Variants in WNT16 observed in about 807,000 individuals in gnomAD.
The protein encoded by WNT16 is protein Wnt-16.
Under a neutral mutation model 35.4 loss-of-function variants are expected in WNT16, and 20 were observed. That is an observed-to-expected ratio of 0.56 (90% CI 0.40 to 0.82). The LOEUF is 0.82. Ranked by LOEUF, WNT16 falls within the 40% of genes least tolerant of loss-of-function variation. WNT16 has a pLI of 0.00. For missense variants in WNT16, 461 were observed against 466.0 expected (o/e 0.99, Z 0.10); for synonymous variants, 180 against 179.2 (o/e 1.00, Z -0.03).
chr7:121,338,784 TA>T, intron 3 of WNT16, 96 bp from the exon 4 acceptor site: 1 of 1,023,806 alleles, frequency 9.8e-7, no homozygotes, highest in Non-Finnish European at 1.4e-6. Context: ...CAAGAGGAAA[TA>T]GACCCAGAAA....
At chr7:121,334,310 G>C (rs1023456987) in intron 3 of WNT16, among the ~76,000 whole-genome samples, 1 of 151,888 alleles carries the variant, frequency 6.6e-6, no homozygotes, top group African/African-American at 2.4e-5. Context: ...TAGGTACTAT[G>C]CTGGTGTTTT....
intron 3 of WNT16, among the ~76,000 whole-genome samples, chr7:121,338,140 A>G (rs921465277): frequency 1.4e-4 from 22 of 152,198 alleles, no homozygotes; most frequent in Non-Finnish European, 2.6e-4. Flanking sequence ...ACTGACTTTT[A>G]TAGTGATCAA....
intron 3 of WNT16, among the ~76,000 whole-genome samples, chr7:121,337,518 A>G (rs1793462990): frequency 6.6e-6 from 1 of 152,230 alleles, no homozygotes; most frequent in Non-Finnish European, 1.5e-5. Context: ...GATTACACAC[A>G]TAATTTCCAA....
Position 121,339,581 on chromosome 7 carries a change from A to T in WNT16, c.*236A>T. 3.9e-6 allele frequency: 2 copies of T among 510,360 alleles called. No homozygotes were observed. Among genetic ancestry groups the T allele is most frequent in the Non-Finnish European group, 6.9e-6 (2 of 289,210 alleles). The allele number at this position is 510,360 out of a possible 1,614,324, so 31.6% of individuals were successfully genotyped here. A position where few individuals can be genotyped will look rare whatever the true frequency, so the allele number is the denominator to read the frequency against. ...TGAAAAGGTTTATATTCACCTTTTG[A>T]TGATTTGGGGAATATATATTGACAT... is the stretch of plus-strand genomic sequence containing the variant. On this transcript the variant is annotated 3_prime_UTR_variant, in exon 4 of 4. Coordinates refer to ENST00000222462, the MANE Select transcript of WNT16 (RefSeq NM_057168.2).
chr7:121,329,258 G>A lies in WNT16; in HGVS notation c.-35G>A, dbSNP rs762582792. On this transcript the variant is annotated 5_prime_UTR_variant, in exon 1 of 4. Transcript: ENST00000222462. ...GCCTCTGGGGAGGGGGTGCAAAAGA[G>A]GAGCGGCTGGGCTGGGGGACTCCAT... 6.6e-7 allele frequency: 1 copy of A among 1,511,486 alleles called. No individual in the cohort carries two copies. Among genetic ancestry groups the A allele is most frequent in the Non-Finnish European group, 8.9e-7 (1 of 1,129,332 alleles). 93.6% of individuals were successfully genotyped at this position (1,511,486 alleles called of 1,614,324 possible).
chr7:121,328,999 C>A (rs1793289467), upstream of WNT16: 7 of 1,182,748 alleles, frequency 5.9e-6, no homozygotes, highest in African/African-American at 1.6e-5. Context: ...GCGGATACAT[C>A]AACAGAAGTT....
Position 121,329,661 on chromosome 7 carries a change from C to T in WNT16, c.190C>T (p.Pro64Ser), listed in dbSNP as rs1191111101. ...CCAGAAGGAGCTGTGCAAGAGGAAA[C>T]CGTACCTGCTGCCGAGCATCCGAGA... ...SRQKELCKRK[P>S]YLLPSIREGA... is the part of the protein sequence containing the mutation. Residue 64 changes from proline to serine, a missense_variant, in exon 2 of 4, where the codon CCG (proline) becomes TCG (serine). Pro to Ser is a moderately conservative substitution (Grantham distance 74). Coordinates refer to ENST00000222462, the MANE Select transcript of WNT16 (RefSeq NM_057168.2). 7 of 1,614,204 alleles carry T rather than the reference C, an allele frequency of 4.3e-6. No individual in the cohort carries two copies. The East Asian group carries it at 6.7e-5, about 15-fold the overall frequency.
chr7:121,331,758 A>C lies in WNT16; in HGVS notation c.427A>C (p.Asn143His). Residue 143 changes from asparagine to histidine, a missense_variant, in exon 3 of 4, where the codon AAC becomes CAC. Asn to His is a moderately conservative substitution (Grantham distance 68). Transcript: ENST00000222462. ...HSVTRSCSAG[N>H]MTECSCDTTL... Reference sequence around the variant, plus strand: ...TGTGACCAGGTCATGCAGTGCAGGCAACATGACAGAGTGTTCCTGTGACAC... The same window carrying C: ...TGTGACCAGGTCATGCAGTGCAGGCCACATGACAGAGTGTTCCTGTGACAC... 2 of 1,614,250 alleles carry C rather than the reference A, an allele frequency of 1.2e-6. No homozygotes were observed. The highest frequency in any genetic ancestry group is 1.7e-6 in the Non-Finnish European group (2 of 1,180,050).
At chr7:121,327,082 C>T (rs180678293), upstream of WNT16, among the ~76,000 whole-genome samples, 20 of 152,348 alleles carry the variant, frequency 1.3e-4, no homozygotes, top group East Asian at 3.5e-3. Flanking sequence ...CTTGGAGAAG[C>T]TCACAGAATA....
upstream of WNT16, among the ~76,000 whole-genome samples, chr7:121,327,016 A>T (rs1489663067): frequency 6.6e-6 from 1 of 152,140 alleles, no homozygotes; most frequent in African/African-American, 2.4e-5. Flanking sequence ...CAAAAACAGG[A>T]TCTTATGTAC....
intron 3 of WNT16, among the ~76,000 whole-genome samples, chr7:121,336,614 A>G (rs1439589448): frequency 6.6e-6 from 1 of 152,206 alleles, no homozygotes; most frequent in East Asian, 1.9e-4. Flanking sequence ...AGCCGGCTCA[A>G]AACAATACCA....
Position 121,339,261 on chromosome 7 carries a change from G to C in WNT16, c.1014G>C (p.Glu338Asp). Residue 338 changes from glutamate to aspartate, a missense_variant, in exon 4 of 4, where the codon GAG (glutamate) becomes GAC (aspartate). Coordinates refer to ENST00000222462, the MANE Select transcript of WNT16 (RefSeq NM_057168.2). ...GYNTHVVRHV[E>D]RCECKFIWCC... ...ACACCCATGTGGTCAGGCACGTGGA[G>C]AGGTGTGAGTGTAAGTTCATCTGGT... is the stretch of plus-strand genomic sequence containing the variant. 1 of 1,614,214 alleles carries C rather than the reference G, an allele frequency of 6.2e-7. No individual in the cohort carries two copies. The highest frequency in any genetic ancestry group is 1.1e-5 in the South Asian group (1 of 91,088).
chr7:121,332,945 G>C (rs1793377417), intron 3 of WNT16, among the ~76,000 whole-genome samples: 1 of 151,968 alleles, frequency 6.6e-6, no homozygotes, highest in Non-Finnish European at 1.5e-5. Context: ...TCACATTAGT[G>C]AATATTGACA....
Position 121,338,988 on chromosome 7 carries a change from T to G in WNT16, c.741T>G (p.His247Gln). The G allele has an allele frequency of 6.2e-7, 1 of 1,614,106 alleles. No homozygotes were observed. Residue 247 changes from histidine to glutamine, a missense_variant, in exon 4 of 4, where the codon CAT (histidine) becomes CAG (glutamine). By Grantham distance (24) the His-to-Gln change is conservative. Transcript: ENST00000222462. The part of the protein sequence containing the change: ...KTMSSFEKIG[H>Q]LLKDKYENSI... ...TGTCTTCTTTTGAAAAGATTGGCCA[T>G]TTGTTGAAGGATAAATATGAAAACA... is the stretch of plus-strand genomic sequence containing the variant.
intron 3 of WNT16, among the ~76,000 whole-genome samples, chr7:121,338,634 C>CT: frequency 6.6e-6 from 1 of 152,300 alleles, no homozygotes; most frequent in East Asian, 1.9e-4. Flanking sequence ...TGGTCCACTA[C>CT]TTTAAGTACA....
At chr7:121,326,344 G>A (rs1793243803), upstream of WNT16, among the ~76,000 whole-genome samples, 1 of 152,190 alleles carries the variant, frequency 6.6e-6, no homozygotes, top group African/African-American at 2.4e-5. Flanking sequence ...TCAGCTCCTA[G>A]AAATATGTCT....
At chr7:121,328,908 G>GTGAGA, upstream of WNT16, 1 of 481,326 alleles carries the variant, frequency 2.1e-6, no homozygotes, top group Non-Finnish European at 2.8e-6. Flanking sequence ...ATGATGAGAT[G>GTGAGA]CGGGGCCGCT....
rs575649951 is a variant in WNT16 at position 121,340,065 on chromosome 7, C to T, written c.*720C>T. The T allele has an allele frequency of 3.3e-5, 5 of 152,222 alleles. No homozygotes were observed. Among genetic ancestry groups the T allele is most frequent in the Non-Finnish European group, 5.9e-5 (4 of 68,018 alleles). The allele number at this position is 152,222 out of a possible 1,614,324, so 9.4% of individuals were successfully genotyped here. A position where few individuals can be genotyped will look rare whatever the true frequency, so the allele number is the denominator to read the frequency against. On this transcript the variant is annotated 3_prime_UTR_variant, in exon 4 of 4. Transcript: ENST00000222462. ...CACTGGGAGAATCTGGAAAAACCTC[C>T]ATAAGGTATATAGCAATCTTTGATC... is the stretch of plus-strand genomic sequence containing the variant.
At chr7:121,335,411 C>T (rs1584678743) in intron 3 of WNT16, among the ~76,000 whole-genome samples, 1 of 151,918 alleles carries the variant, frequency 6.6e-6, no homozygotes, top group Non-Finnish European at 1.5e-5. Context: ...TAAATGCTAC[C>T]CTCCTGATTG....
Sources: allele counts gnomAD v4.1 joint callset (sites outside exome capture counted in the v4.1 genomes callset), GRCh38; gene constraint gnomAD v4.1.1; transcripts MANE v1.5; gene names NCBI Gene and HGNC (gene_info 2026-07-23, HGNC 2026-07-21).